The following CHN2 variants were observed in gnomAD, a reference collection of about 807,000 sequenced individuals.
CHN2 encodes beta-chimaerin.
A neutral mutation model predicts 56.3 loss-of-function variants in CHN2; 35 were observed. The observed-to-expected ratio is 0.62, with a 90% confidence interval of 0.47 to 0.82. The LOEUF is 0.82. Ranked by LOEUF, CHN2 falls within the 40% of genes least tolerant of loss-of-function variation. The pLI is 0.00. For synonymous variants in CHN2, 210 were observed against 212.8 expected, an observed-to-expected ratio of 0.99 and a Z score of 0.12; for missense variants, 491 against 580.5, an observed-to-expected ratio of 0.85 and a Z score of 1.58.
At chr7:29,199,109 G>A (rs979273036) in intron 1 of CHN2, among the ~76,000 whole-genome samples, 1 of 152,166 alleles carries the variant, frequency 6.6e-6, no homozygotes, top group Non-Finnish European at 1.5e-5. Context: ...AGTATTGTGG[G>A]CCAGGTAAAT....
intron 3 of CHN2, among the ~76,000 whole-genome samples, chr7:29,373,671 C>T (rs1415523987): frequency 2.0e-5 from 3 of 152,156 alleles, no homozygotes; most frequent in East Asian, 1.9e-4. Context: ...TGTAAACCTT[C>T]GAAAGCATTC....
At chr7:29,342,852 T>G (rs955828693) in intron 1 of CHN2, among the ~76,000 whole-genome samples, 1 of 152,246 alleles carries the variant, frequency 6.6e-6, no homozygotes, top group Non-Finnish European at 1.5e-5. Flanking sequence ...CAGCAGGCAG[T>G]CAGTTAGTGC....
At chr7:29,205,888 A>G (rs567495136) in intron 1 of CHN2, among the ~76,000 whole-genome samples, 15 of 152,196 alleles carry the variant, frequency 9.9e-5, no homozygotes, top group Non-Finnish European at 1.9e-4. Context: ...GCGTAGCCAC[A>G]TAATTATTAG....
intron 6 of CHN2, among the ~76,000 whole-genome samples, chr7:29,418,773 G>A (rs2128103960): frequency 6.6e-6 from 1 of 152,298 alleles, no homozygotes; most frequent in East Asian, 1.9e-4. Flanking sequence ...TACCAGACCT[G>A]CCAGGATGGT....
chr7:29,234,953 G>T (rs1787069931), intron 1 of CHN2, among the ~76,000 whole-genome samples: 1 of 152,176 alleles, frequency 6.6e-6, no homozygotes, highest in Admixed American at 6.5e-5. Flanking sequence ...ATAGGAGGGG[G>T]TATGCTGTCT....
rs545364316 is a variant in CHN2 at position 29,337,386 on chromosome 7, C to T, written c.50-17239C>T. 1.5e-4 allele frequency among the ~76,000 whole-genome samples: 23 copies of T among 152,318 alleles called. No individual in the cohort carries two copies. The South Asian group carries it at 4.6e-3, about 30-fold the overall frequency. On this transcript the variant is annotated intron_variant, in intron 1 of 12. Coordinates refer to ENST00000222792, the MANE Select transcript of CHN2 (RefSeq NM_004067.4). ...TGCGATTAGGAAGACAAATGTCCCA[C>T]TGTGCAAACAGCAAGAGGATATGAC... is the stretch of plus-strand genomic sequence containing the variant.
At chr7:29,461,816 TTGGATGGA>T (rs5883212) in intron 6 of CHN2, among the ~76,000 whole-genome samples, 11,666 of 143,876 alleles carry the variant, frequency 0.081, 512 homozygotes, top group Non-Finnish European at 0.099. Context: ...GGTTGGTTCA[TTGGATGGA>T]TGGATGGATG....
chr7:29,326,089 C>T (rs1364958617), intron 1 of CHN2, among the ~76,000 whole-genome samples: 2 of 152,156 alleles, frequency 1.3e-5, no homozygotes, highest in East Asian at 1.9e-4. Flanking sequence ...ATATGCAAGT[C>T]ACGTCACCTC....
chr7:29,369,621 C>T (rs1029882084), intron 3 of CHN2, among the ~76,000 whole-genome samples: 3 of 152,132 alleles, frequency 2.0e-5, no homozygotes, highest in Non-Finnish European at 4.4e-5. Flanking sequence ...AGAGAAAAAA[C>T]CTCTCGGTTT....
At chr7:29,372,723 G>T (rs1241706203) in intron 3 of CHN2, among the ~76,000 whole-genome samples, 3 of 152,250 alleles carry the variant, frequency 2.0e-5, no homozygotes, top group Non-Finnish European at 4.4e-5. Context: ...ACTTTTGGCA[G>T]TTGTTAAGGT....
At chr7:29,207,135 T>C (rs1784575603) in intron 1 of CHN2, among the ~76,000 whole-genome samples, 1 of 152,244 alleles carries the variant, frequency 6.6e-6, no homozygotes, top group Non-Finnish European at 1.5e-5. Context: ...AAGCCATTAC[T>C]TTAAGAAAGC....
At chr7:29,424,341 C>G (rs1192134470) in intron 6 of CHN2, among the ~76,000 whole-genome samples, 1 of 152,090 alleles carries the variant, frequency 6.6e-6, no homozygotes, top group Non-Finnish European at 1.5e-5. Context: ...CTTGATCTCC[C>G]CAGTTTTTTT....
intron 1 of CHN2, among the ~76,000 whole-genome samples, chr7:29,305,679 A>G (rs1046271582): frequency 6.6e-6 from 1 of 152,176 alleles, no homozygotes; most frequent in Non-Finnish European, 1.5e-5. Context: ...AGAAAGCCAC[A>G]CTGGCTGCCC....
At chr7:29,382,718 A>G (rs533169525) in intron 3 of CHN2, among the ~76,000 whole-genome samples, 27 of 150,482 alleles carry the variant, frequency 1.8e-4, no homozygotes, top group Non-Finnish European at 2.5e-4. Context: ...GGCCTTTTAT[A>G]AAGTTCAGAG....
At chr7:29,316,926 A>G (rs1007084047) in intron 1 of CHN2, among the ~76,000 whole-genome samples, 6 of 152,228 alleles carry the variant, frequency 3.9e-5, no homozygotes, top group Non-Finnish European at 8.8e-5. Flanking sequence ...TATTGCTACA[A>G]AAAGGGGTGT....
At chr7:29,419,272 C>T (rs1218727989) in intron 6 of CHN2, among the ~76,000 whole-genome samples, 1 of 152,170 alleles carries the variant, frequency 6.6e-6, no homozygotes, top group East Asian at 1.9e-4. Flanking sequence ...ATTGGGAATA[C>T]TGGATATTCA....
At chr7:29,287,734 T>G (rs1792270038) in intron 1 of CHN2, among the ~76,000 whole-genome samples, 1 of 152,204 alleles carries the variant, frequency 6.6e-6, no homozygotes, top group Non-Finnish European at 1.5e-5. Context: ...TCCTAACTAG[T>G]AGACTCAGTG....
At chr7:29,357,871 G>T (rs771400259) in intron 2 of CHN2, among the ~76,000 whole-genome samples, 2 of 152,136 alleles carry the variant, frequency 1.3e-5, no homozygotes, top group African/African-American at 2.4e-5. Flanking sequence ...TGGTAAACCC[G>T]TTGTGAACCC....
At chr7:29,445,870 A>G (rs1389192396) in intron 6 of CHN2, among the ~76,000 whole-genome samples, 1 of 152,134 alleles carries the variant, frequency 6.6e-6, no homozygotes, top group Non-Finnish European at 1.5e-5. Flanking sequence ...TACCAAAGGC[A>G]AAGAAATTTA....
Sources: allele counts gnomAD v4.1 joint callset (sites outside exome capture counted in the v4.1 genomes callset), GRCh38; gene constraint gnomAD v4.1.1; transcripts MANE v1.5; gene names NCBI Gene and HGNC (gene_info 2026-07-23, HGNC 2026-07-21).